The following GLYR1 variants were observed in gnomAD, a reference collection of about 807,000 sequenced individuals.
GLYR1 encodes glyoxylate reductase 1 homolog.
GLYR1 carries 21 observed loss-of-function variants against 72.7 expected under a neutral mutation model. The observed-to-expected ratio is 0.29, with a 90% CI of 0.20 to 0.42. The LOEUF (loss-of-function observed/expected upper bound fraction) is 0.42, where lower values mean the gene tolerates loss of function less well. GLYR1 is among the 10% of genes least tolerant of loss of function. GLYR1 has a pLI of 1.00. For missense variants in GLYR1, 594 were observed against 712.1 expected (o/e 0.83, Z 1.89); for synonymous variants, 392 against 270.2 (o/e 1.45, Z -4.42).
intron 15 of GLYR1, among the ~76,000 whole-genome samples, chr16:4,807,525 C>T (rs764384417): frequency 1.3e-5 from 2 of 152,192 alleles, no homozygotes; most frequent in Non-Finnish European, 2.9e-5. Context: ...CATATCAATA[C>T]AACTACTAAA....
chr16:4,834,239 A>C (rs1208303978), intron 3 of GLYR1, among the ~76,000 whole-genome samples: 1 of 150,686 alleles, frequency 6.6e-6, no homozygotes, highest in African/African-American at 2.4e-5. Flanking sequence ...TGATGAATGG[A>C]GATACAGAAG....
chr16:4,827,174 G>C (rs2084434437), intron 5 of GLYR1, among the ~76,000 whole-genome samples: 1 of 152,216 alleles, frequency 6.6e-6, no homozygotes, highest in Admixed American at 6.5e-5. Context: ...AGGAGATTAT[G>C]TCCCGGAATG....
intron 5 of GLYR1, among the ~76,000 whole-genome samples, chr16:4,830,658 T>C (rs1466160765): frequency 1.3e-5 from 2 of 152,298 alleles, no homozygotes; most frequent in African/African-American, 4.8e-5. Flanking sequence ...CTGGCTTCTG[T>C]TCTCTTTATC....
intron 15 of GLYR1, 87 bp from the exon 16 acceptor site, chr16:4,805,397 GC>G: frequency 8.7e-7 from 1 of 1,147,216 alleles, no homozygotes; most frequent in Non-Finnish European, 1.3e-6. Flanking sequence ...GGTGGATGTG[GC>G]CAGCAGGCAG....
chr16:4,817,201 G>A (rs2083698645), intron 10 of GLYR1, among the ~76,000 whole-genome samples: 1 of 150,992 alleles, frequency 6.6e-6, no homozygotes, highest in African/African-American at 2.4e-5. Flanking sequence ...CTCACTGCAA[G>A]CTCTGCCTCC....
intron 11 of GLYR1, 66 bp from the exon 12 acceptor site, chr16:4,813,904 C>A: frequency 8.0e-7 from 1 of 1,242,662 alleles, no homozygotes; most frequent in South Asian, 1.5e-5. Context: ...GCCCTACAGA[C>A]CTCAGATCAG....
chr16:4,833,117 A>G (rs559789145), intron 3 of GLYR1: 1 of 429,380 alleles, frequency 2.3e-6, no homozygotes, highest in South Asian at 5.4e-5. Flanking sequence ...CAAGCAGAAC[A>G]ACCATCACCA....
chr16:4,846,087 T>C (rs2086021343), intron 2 of GLYR1, 87 bp downstream of exon 2: 1 of 1,423,994 alleles, frequency 7.0e-7, no homozygotes, highest in Non-Finnish European at 9.9e-7. Context: ...TTTAACTCAA[T>C]ACTAGAAACT....
chr16:4,821,713 A>C, intron 7 of GLYR1, 116 bp from the exon 8 acceptor site: 1 of 948,426 alleles, frequency 1.1e-6, no homozygotes. Context: ...TATTTGTTTT[A>C]TACTTTAGTG....
intron 3 of GLYR1, among the ~76,000 whole-genome samples, chr16:4,840,707 C>T (rs1442654094): frequency 6.6e-6 from 1 of 152,152 alleles, no homozygotes. Flanking sequence ...GGGTATCATC[C>T]CCTTATGTAG....
In GLYR1 at chr16:4,847,277, A is replaced by G; in HGVS notation, c.-12T>C. On this transcript the variant is annotated 5_prime_UTR_variant, in exon 1 of 16. Coordinates refer to ENST00000321919, the MANE Select transcript of GLYR1 (RefSeq NM_032569.4). ...CTCACAGCCGCCATCTTACCACCCA[A>G]CCACCGCCGACGCACGGGCCGCCGG... 2 of 1,606,984 alleles carry G rather than the reference A, an allele frequency of 1.2e-6. No homozygotes were observed. The highest frequency in any genetic ancestry group is 1.7e-6 in the Non-Finnish European group (2 of 1,177,908).
chr16:4,813,054 C>G (rs982751282), intron 12 of GLYR1, among the ~76,000 whole-genome samples: 1 of 151,778 alleles, frequency 6.6e-6, no homozygotes, highest in East Asian at 1.9e-4. Flanking sequence ...GCTCCGCCTC[C>G]TGGGTTCATG....
intron 9 of GLYR1, among the ~76,000 whole-genome samples, chr16:4,819,648 C>T (rs1015260196): frequency 1.7e-4 from 26 of 152,112 alleles, no homozygotes; most frequent in African/African-American, 5.3e-4. Context: ...TGCTGGATGT[C>T]CCCGGCAGCT....
intron 7 of GLYR1, 105 bp downstream of exon 7, chr16:4,822,770 A>C: frequency 3.2e-6 from 3 of 925,086 alleles, no homozygotes; most frequent in South Asian, 2.7e-5. Context: ...TCTGGGCAAT[A>C]CACCGGCAGA....
In GLYR1 at chr16:4,837,825, G is replaced by A. The variant is rs376873191; in HGVS notation, c.156-4913C>T. On this transcript the variant is annotated intron_variant, in intron 3 of 15. Transcript: ENST00000321919. The stretch of plus-strand genomic sequence containing the variant: ...ATGCGCCTGTAATCCCAGCTACTCC[G>A]GAGGCTGAGGCAGGATAATCGCTTG... Among the ~76,000 whole-genome samples, 58 of 152,126 alleles carry A rather than the reference G, an allele frequency of 3.8e-4. No homozygotes were observed. In the East Asian group the frequency reaches 0.011, roughly 28 times the overall value.
intron 5 of GLYR1, among the ~76,000 whole-genome samples, chr16:4,825,647 TATC>T (rs1335967817): frequency 4.1e-4 from 58 of 142,212 alleles, no homozygotes; most frequent in African/African-American, 3.2e-4. Context: ...ACAGAATTAT[TATC>T]ATCTTCTTTT....
chr16:4,824,912 C>T (rs1202564619), intron 5 of GLYR1, among the ~76,000 whole-genome samples: 3 of 152,142 alleles, frequency 2.0e-5, no homozygotes, highest in Non-Finnish European at 4.4e-5. Flanking sequence ...TCTTAGAAAA[C>T]GCCTGCTCCA....
chr16:4,844,671 G>T (rs1035755399), intron 3 of GLYR1, among the ~76,000 whole-genome samples: 3 of 152,220 alleles, frequency 2.0e-5, no homozygotes, highest in Non-Finnish European at 2.9e-5. Flanking sequence ...TGAGGTGAGA[G>T]AACCGCTTGA....
chr16:4,809,788 G>C (rs1056625716), intron 15 of GLYR1, among the ~76,000 whole-genome samples: 4 of 151,814 alleles, frequency 2.6e-5, no homozygotes, highest in Non-Finnish European at 4.4e-5. Context: ...GTTGTGTATG[G>C]TGGTGTGTGC....
Sources: allele counts gnomAD v4.1 joint callset (sites outside exome capture counted in the v4.1 genomes callset), GRCh38; gene constraint gnomAD v4.1.1; transcripts MANE v1.5; gene names NCBI Gene and HGNC (gene_info 2026-07-23, HGNC 2026-07-21).